The following AIG1 variants were observed in gnomAD, a reference collection of about 807,000 sequenced individuals.
The protein encoded by AIG1 is androgen induced 1.
In AIG1, 23 loss-of-function variants were observed where a neutral mutation model predicts 31.4. That is an observed-to-expected ratio of 0.73 (90% confidence interval 0.53 to 1.04). AIG1 has a LOEUF of 1.04. Among genes scored for constraint, AIG1 ranks in the 50% least tolerant of loss-of-function variants. AIG1 has a pLI of 0.00. For missense variants in AIG1, 274 were observed against 295.0 expected (o/e 0.93, Z 0.52); for synonymous variants, 100 against 110.5 (o/e 0.90, Z 0.60).
In AIG1 at chr6:143,306,006, T is replaced by C. The variant is rs886348498; in HGVS notation, c.515+21781T>C. ...GGCCTTCTTTGTCTCTTTTGATCTT[T>C]GTTGGTTTAAAGTCTGTTTTATCAC... is the stretch of plus-strand genomic sequence containing the variant. On this transcript the variant is annotated intron_variant, in intron 4 of 5. Transcript: ENST00000357847. Among the ~76,000 whole-genome samples, 9 of 150,816 alleles carry C rather than the reference T, an allele frequency of 6.0e-5. No homozygotes were observed. In the East Asian group the frequency reaches 1.2e-3, roughly 20 times the overall value.
intron 3 of AIG1, among the ~76,000 whole-genome samples, chr6:143,257,225 A>G (rs1865448): frequency 0.55 from 84,316 of 152,094 alleles, 24,946 homozygotes; most frequent in East Asian, 0.93. Context: ...GGTCTCATCC[A>G]TTCCTGGAGT....
intron 3 of AIG1, among the ~76,000 whole-genome samples, chr6:143,283,736 A>G (rs1797505432): frequency 6.6e-6 from 1 of 152,252 alleles, no homozygotes; most frequent in South Asian, 2.1e-4. Context: ...ACAGTATGAT[A>G]TTAACTGTGT....
At chr6:143,121,752 T>C (rs1025942278) in intron 1 of AIG1, among the ~76,000 whole-genome samples, 1 of 152,230 alleles carries the variant, frequency 6.6e-6, no homozygotes, top group Non-Finnish European at 1.5e-5. Flanking sequence ...TTATTGTTAA[T>C]GACTGATTTT....
At chr6:143,171,486 T>A (rs1285985379) in intron 3 of AIG1, among the ~76,000 whole-genome samples, 2 of 120,982 alleles carry the variant, frequency 1.7e-5, no homozygotes, top group Non-Finnish European at 3.2e-5. Flanking sequence ...TAATATATAT[T>A]AAATATATAA....
chr6:143,209,818 G>T (rs901720082), intron 3 of AIG1, among the ~76,000 whole-genome samples: 6 of 152,316 alleles, frequency 3.9e-5, no homozygotes, highest in African/African-American at 1.4e-4. Flanking sequence ...TTGTAAGAAT[G>T]TCAGAAATTG....
rs1005339774 is a variant in AIG1 at position 143,329,777 on chromosome 6, A to C, written c.516-3505A>C. 1.3e-5 allele frequency among the ~76,000 whole-genome samples: 2 copies of C among 152,238 alleles called. No homozygotes were observed. Among genetic ancestry groups the C allele is most frequent in the Admixed American group, 6.5e-5 (1 of 15,286 alleles). On this transcript the variant is annotated intron_variant, in intron 4 of 5. Coordinates refer to ENST00000357847, the MANE Select transcript of AIG1 (RefSeq NM_016108.4). The surrounding 1 kb of genome is among the most constrained non-coding windows in gnomAD (Gnocchi z 4.9). Reference sequence around the variant, plus strand: ...CAAAAGATGAATATTTCATGATGTGAAAATTACATCTAATTCAAATTTCAG... The same window carrying C: ...CAAAAGATGAATATTTCATGATGTGCAAATTACATCTAATTCAAATTTCAG...
intron 3 of AIG1, among the ~76,000 whole-genome samples, chr6:143,225,297 A>C (rs1294630625): frequency 6.6e-6 from 1 of 152,194 alleles, no homozygotes; most frequent in Admixed American, 6.5e-5. Flanking sequence ...GTAGTTGATC[A>C]GGTTCATGTC....
chr6:143,109,283 T>C (rs1781069988), intron 1 of AIG1, among the ~76,000 whole-genome samples: 1 of 152,228 alleles, frequency 6.6e-6, no homozygotes, highest in Non-Finnish European at 1.5e-5. Flanking sequence ...TGCTGATGCA[T>C]TTCTGTGTTG....
chr6:143,159,721 A>G (rs1786152313), intron 2 of AIG1, among the ~76,000 whole-genome samples: 1 of 152,202 alleles, frequency 6.6e-6, no homozygotes, highest in East Asian at 1.9e-4. Context: ...GAAGGAAAGG[A>G]CTTGGACACT....
chr6:143,080,587 G>C (rs1052513950), intron 1 of AIG1, among the ~76,000 whole-genome samples: 1 of 151,974 alleles, frequency 6.6e-6, no homozygotes, highest in Admixed American at 6.6e-5. Flanking sequence ...CAGCATACAG[G>C]GGGTGCAGTG....
chr6:143,177,369 A>G lies in AIG1; in HGVS notation c.399+12186A>G, dbSNP rs1277395693. On this transcript the variant is annotated intron_variant, in intron 3 of 5. Transcript: ENST00000357847. ...AGGTATCACGTTTCCTTACTTTTCC[A>G]TATTTCTTGTTTCCCTATGTTGATA... is the stretch of plus-strand genomic sequence containing the variant. 2.0e-5 allele frequency among the ~76,000 whole-genome samples: 3 copies of G among 151,912 alleles called. No individual in the cohort carries two copies. The East Asian group carries it at 5.8e-4, about 29-fold the overall frequency.
chr6:143,283,671 T>A (rs1288354116), intron 3 of AIG1, among the ~76,000 whole-genome samples: 2 of 152,190 alleles, frequency 1.3e-5, no homozygotes, highest in African/African-American at 4.8e-5. Flanking sequence ...AACTACCATA[T>A]CAAAAATTCT....
intron 3 of AIG1, among the ~76,000 whole-genome samples, chr6:143,262,919 T>C (rs1470350437): frequency 6.6e-6 from 1 of 152,038 alleles, no homozygotes; most frequent in East Asian, 1.9e-4. Context: ...CCCTTTACAT[T>C]CCTCCTCAAA....
intron 3 of AIG1, among the ~76,000 whole-genome samples, chr6:143,226,244 A>T (rs985414127): frequency 6.6e-5 from 9 of 135,394 alleles, no homozygotes; most frequent in African/African-American, 2.3e-4. Flanking sequence ...CTATATATAT[A>T]TATTTTTTTT....
chr6:143,249,775 A>G (rs763952011), intron 3 of AIG1, among the ~76,000 whole-genome samples: 45 of 152,090 alleles, frequency 3.0e-4, no homozygotes, highest in Non-Finnish European at 5.0e-4. Flanking sequence ...CTGATGCCCT[A>G]TGTGTGTTTC....
rs946451532 is a variant in AIG1, at chr6:143,291,482, G to A, written c.515+7257G>A. ...CAAACCTCACACTTATGCACCCGAC[G>A]CAGAGGTGAGCACCTGGACTTCAGC... On this transcript the variant is annotated intron_variant, in intron 4 of 5. Transcript: ENST00000357847. This position sits in a 1 kb window ranked among gnomAD's most constrained non-coding sequence, Gnocchi z 4.2. Among the ~76,000 whole-genome samples the A allele has an allele frequency of 1.3e-5, 2 of 152,176 alleles. No homozygotes were observed. The highest frequency in any genetic ancestry group is 6.5e-5 in the Admixed American group (1 of 15,274).
intron 1 of AIG1, among the ~76,000 whole-genome samples, chr6:143,106,606 A>G (rs1780829370): frequency 6.6e-6 from 1 of 152,226 alleles, no homozygotes; most frequent in African/African-American, 2.4e-5. Flanking sequence ...ATTTCTGCCA[A>G]TAAACATTTA....
chr6:143,125,977 A>G (rs547618035), intron 1 of AIG1, among the ~76,000 whole-genome samples: 2 of 152,342 alleles, frequency 1.3e-5, no homozygotes, highest in South Asian at 4.1e-4. Context: ...GGGATTCTAA[A>G]TCACATTCTG....
At chr6:143,079,359 C>G (rs1413636852) in intron 1 of AIG1, among the ~76,000 whole-genome samples, 1 of 152,152 alleles carries the variant, frequency 6.6e-6, no homozygotes, top group Admixed American at 6.5e-5. Flanking sequence ...AGAATGCAGT[C>G]TGCACTCAGG....
Sources: gnomAD v4.1 joint callset for allele counts (sites outside exome capture counted in the v4.1 genomes callset) on GRCh38, gnomAD v4.1.1 for gene constraint, Gnocchi (gnomAD v3.1) non-coding constraint, MANE v1.5 for transcripts, NCBI Gene and HGNC (gene_info 2026-07-23, HGNC 2026-07-21) for gene names.